Variants in AGAP1 observed in about 807,000 individuals in gnomAD.
The protein encoded by AGAP1 is ArfGAP with GTPase domain, ankyrin repeat and PH domain 1, also known as arf-GAP with GTPase, ANK repeat and PH domain-containing protein 1.
In AGAP1, 29 loss-of-function variants were observed where a neutral mutation model predicts 105.3. The ratio of observed to expected loss-of-function variants is 0.28; its 90% CI spans 0.21 to 0.38. The LOEUF is 0.38. Among genes scored for constraint, AGAP1 ranks in the 10% least tolerant of loss-of-function variants. AGAP1 has a pLI of 1.00. For synonymous variants in AGAP1, 509 were observed against 485.9 expected (o/e 1.05, Z -0.63); for missense variants, 998 against 1,165.1 (o/e 0.86, Z 2.09).
rs1943169631 is a variant in AGAP1 at position 235,535,176 on chromosome 2, C to A, written c.163+40327C>A. 6.6e-6 allele frequency among the ~76,000 whole-genome samples: 1 copy of A among 152,036 alleles called. No homozygotes were observed. The highest frequency in any genetic ancestry group is 1.5e-5 in the Non-Finnish European group (1 of 67,990). ...CCCAGGTCAGCCTCCCTCCACCGGG[C>A]CACCCGCACCAGGTTGCCTCCCATC... On this transcript the variant is annotated intron_variant, in intron 1 of 17. Transcript: ENST00000304032. The surrounding 1 kb of genome is among the most constrained non-coding windows in gnomAD (Gnocchi z 5.1).
intron 6 of AGAP1, chr2:235,783,502 A>G: frequency 5.2e-6 from 2 of 384,498 alleles, no homozygotes; most frequent in Admixed American, 3.8e-5. Context: ...TGTGGAGAGA[A>G]AAAGACCTTG....
rs895445186 is a variant in AGAP1 at position 235,732,023 on chromosome 2, T to C, written c.311-8940T>C. On this transcript the variant is annotated intron_variant, in intron 3 of 17. Coordinates refer to ENST00000304032, the MANE Select transcript of AGAP1 (RefSeq NM_001037131.3). The surrounding 1 kb of genome is among the most constrained non-coding windows in gnomAD (Gnocchi z 4.8). ...CACAAAAACCTGTGTGCTGTTTTTCTGCAGACCTTGGTTTTCTCATCTTGA... is the reference window on the plus strand; with the variant it reads ...CACAAAAACCTGTGTGCTGTTTTTCCGCAGACCTTGGTTTTCTCATCTTGA... 1.3e-4 allele frequency among the ~76,000 whole-genome samples: 20 copies of C among 152,218 alleles called. No individual in the cohort carries two copies. The highest frequency in any genetic ancestry group is 4.4e-5 in the Non-Finnish European group (3 of 68,044).
chr2:235,910,491 T>C (rs923939309), intron 11 of AGAP1, among the ~76,000 whole-genome samples: 12 of 152,148 alleles, frequency 7.9e-5, no homozygotes, highest in African/African-American at 2.9e-4. Context: ...TTTTTCTTAT[T>C]AGAGCGGTGT....
chr2:236,099,355 T>C lies in AGAP1; in HGVS notation c.2115-20837T>C, dbSNP rs922571140. ...CTGTAGTCCCAGCTGCTCGGGAGGCTGAGGCAGGAGAATGGCATGAACCCA... is the reference window on the plus strand; with the variant it reads ...CTGTAGTCCCAGCTGCTCGGGAGGCCGAGGCAGGAGAATGGCATGAACCCA... On this transcript the variant is annotated intron_variant, in intron 16 of 17. Coordinates refer to ENST00000304032, the MANE Select transcript of AGAP1 (RefSeq NM_001037131.3). Among the ~76,000 whole-genome samples, 4 of 151,678 alleles carry C rather than the reference T, an allele frequency of 2.6e-5. No homozygotes were observed. In the South Asian group the frequency reaches 8.3e-4, roughly 32 times the overall value.
intron 8 of AGAP1, among the ~76,000 whole-genome samples, chr2:235,803,397 C>T (rs962337383): frequency 3.9e-5 from 6 of 152,196 alleles, no homozygotes; most frequent in African/African-American, 1.4e-4. Flanking sequence ...TGAATAGACT[C>T]TTCATCCCTG....
At position 236,007,379 on chromosome 2, in the gene AGAP1, G is replaced by T. The variant is rs528893204; in HGVS notation, c.1646-29182G>T. On this transcript the variant is annotated intron_variant, in intron 13 of 17. Transcript: ENST00000304032. Reference sequence around the variant, plus strand: ...AACCCTGAAGTGTATCATTTCACCCGCTGTAGTTGTCAGAACTCAACTACA... The same window carrying T: ...AACCCTGAAGTGTATCATTTCACCCTCTGTAGTTGTCAGAACTCAACTACA... Among the ~76,000 whole-genome samples, 3 of 152,260 alleles carry T rather than the reference G, an allele frequency of 2.0e-5. No individual in the cohort carries two copies. In the South Asian group the frequency reaches 6.2e-4, roughly 32 times the overall value.
intron 1 of AGAP1, among the ~76,000 whole-genome samples, chr2:235,653,501 T>TAA (rs1559316840): frequency 9.6e-4 from 19 of 19,844 alleles, no homozygotes; most frequent in African/African-American, 2.4e-3. Context: ...AAATAAAATA[T>TAA]AACATAACAT....
chr2:235,909,071 C>T (rs1265082755), intron 11 of AGAP1, among the ~76,000 whole-genome samples, 165 bp downstream of exon 11: 1 of 152,182 alleles, frequency 6.6e-6, no homozygotes, highest in Admixed American at 6.5e-5. Flanking sequence ...TTCCTTTAAA[C>T]TTTCAGTTCC....
intron 1 of AGAP1, among the ~76,000 whole-genome samples, chr2:235,501,168 T>G (rs114153422): frequency 0.016 from 2,382 of 152,242 alleles, 70 homozygotes; most frequent in African/African-American, 0.054. Flanking sequence ...GTTATTGCTG[T>G]CAGGGGCATC....
rs545055269 is a variant in AGAP1 at position 235,662,585 on chromosome 2, C to A, written c.164-46594C>A. Among the ~76,000 whole-genome samples the A allele has an allele frequency of 6.7e-6, 1 of 149,876 alleles. No individual in the cohort carries two copies. The highest frequency in any genetic ancestry group is 2.5e-5 in the African/African-American group (1 of 40,550). ...GCAGTGGTGGCATCTCAGCTCACTG[C>A]AACCTCTGCCTCCTGGGTTCAAGCG... is the stretch of plus-strand genomic sequence containing the variant. On this transcript the variant is annotated intron_variant, in intron 1 of 17. Coordinates refer to ENST00000304032, the MANE Select transcript of AGAP1 (RefSeq NM_001037131.3). The surrounding 1 kb of genome is among the most constrained non-coding windows in gnomAD (Gnocchi z 4.2).
At chr2:235,999,374 A>G (rs2055983690) in intron 13 of AGAP1, among the ~76,000 whole-genome samples, 1 of 138,276 alleles carries the variant, frequency 7.2e-6, no homozygotes, top group African/African-American at 2.8e-5. Flanking sequence ...ATGATGACCA[A>G]TATGGTATGG....
rs1160434898 is a variant in AGAP1, at chr2:235,807,398, T to C, written c.1050+67T>C. On this transcript the variant is annotated intron_variant, in intron 9 of 17. Transcript: ENST00000304032. ...ACACCTCAGGTCTTCCTGGAGATGA[T>C]GCTGGCTCTCGCACCAAGGTCTGTC... 31 of 1,435,704 alleles carry C rather than the reference T, an allele frequency of 2.2e-5. No individual in the cohort carries two copies. The East Asian group carries it at 7.2e-4, about 33-fold the overall frequency. 88.9% of individuals were successfully genotyped at this position (1,435,704 alleles called of 1,614,324 possible). A position where few individuals can be genotyped will look rare whatever the true frequency, so the allele number is the denominator to read the frequency against.
intron 1 of AGAP1, among the ~76,000 whole-genome samples, chr2:235,513,539 A>G (rs963679511): frequency 6.6e-5 from 10 of 151,538 alleles, no homozygotes; most frequent in Admixed American, 3.9e-4. Context: ...AAAAAAAAAA[A>G]AAAAAAAAGA....
chr2:235,898,451 A>T (rs2050910648), intron 10 of AGAP1, among the ~76,000 whole-genome samples: 1 of 151,512 alleles, frequency 6.6e-6, no homozygotes, highest in African/African-American at 2.4e-5. Flanking sequence ...AGAAAATGTC[A>T]TGCGTTTGCA....
At chr2:235,813,047 G>A (rs1958245239) in intron 9 of AGAP1, among the ~76,000 whole-genome samples, 1 of 152,198 alleles carries the variant, frequency 6.6e-6, no homozygotes, top group African/African-American at 2.4e-5. Context: ...CCAGGCAGGT[G>A]TATCAGTGCT....
chr2:235,998,990 T>C (rs2055947001), intron 13 of AGAP1, among the ~76,000 whole-genome samples: 1 of 146,198 alleles, frequency 6.8e-6, no homozygotes, highest in African/African-American at 2.6e-5. Context: ...GGGGTAGTGG[T>C]GGTGATTGTG....
In AGAP1 at chr2:235,872,597, A is replaced by G. The variant is rs554478557; in HGVS notation, c.1051-10748A>G. Among the ~76,000 whole-genome samples, 3 of 152,288 alleles carry G rather than the reference A, an allele frequency of 2.0e-5. No homozygotes were observed. The highest frequency in any genetic ancestry group is 7.2e-5 in the African/African-American group (3 of 41,562). Reference sequence around the variant, plus strand: ...GTAGGATCACGGCTTCATGTCCTCTAAAAGTTTCAAATGAACTATTTTTAG... The same window carrying G: ...GTAGGATCACGGCTTCATGTCCTCTGAAAGTTTCAAATGAACTATTTTTAG... On this transcript the variant is annotated intron_variant, in intron 9 of 17. Transcript: ENST00000304032. This position sits in a 1 kb window ranked among gnomAD's most constrained non-coding sequence, Gnocchi z 4.5.
In AGAP1 at chr2:235,552,807, G is replaced by C. The variant is rs1231574012; in HGVS notation, c.163+57958G>C. On this transcript the variant is annotated intron_variant, in intron 1 of 17. Coordinates refer to ENST00000304032, the MANE Select transcript of AGAP1 (RefSeq NM_001037131.3). The surrounding 1 kb of genome is among the most constrained non-coding windows in gnomAD (Gnocchi z 5.9). ...AAGCCAGCTGCAGAATGCAGTGCCT[G>C]ACAGAGTGTGATGGGCCCCATCTCT... 6.6e-6 allele frequency among the ~76,000 whole-genome samples: 1 copy of C among 152,218 alleles called. No individual in the cohort carries two copies. Among genetic ancestry groups the C allele is most frequent in the African/African-American group, 2.4e-5 (1 of 41,462 alleles).
At position 235,517,013 on chromosome 2, in the gene AGAP1, G is replaced by A. The variant is rs956265586; in HGVS notation, c.163+22164G>A. Among the ~76,000 whole-genome samples the A allele has an allele frequency of 3.9e-5, 6 of 152,190 alleles. No homozygotes were observed. The East Asian group carries it at 5.8e-4, about 15-fold the overall frequency. Reference sequence around the variant, plus strand: ...CCACGTGGCTCTGGAGGGGCTTGGCGCCTACGTTAGTCAGCTCGGGCTGCC... The same window carrying A: ...CCACGTGGCTCTGGAGGGGCTTGGCACCTACGTTAGTCAGCTCGGGCTGCC... On this transcript the variant is annotated intron_variant, in intron 1 of 17. Coordinates refer to ENST00000304032, the MANE Select transcript of AGAP1 (RefSeq NM_001037131.3). The surrounding 1 kb of genome is among the most constrained non-coding windows in gnomAD (Gnocchi z 4.1).
Sources: gnomAD v4.1 joint callset for allele counts (sites outside exome capture counted in the v4.1 genomes callset) on GRCh38, gnomAD v4.1.1 for gene constraint, Gnocchi (gnomAD v3.1) non-coding constraint, MANE v1.5 for transcripts, NCBI Gene and HGNC (gene_info 2026-07-23, HGNC 2026-07-21) for gene names.